Variants in MTA3 observed in about 807,000 individuals in gnomAD.
MTA3 encodes metastasis associated 1 family member 3, also known as metastasis-associated protein MTA3.
MTA3 carries 34 observed loss-of-function variants against 83.5 expected under a neutral mutation model. That is an observed-to-expected ratio of 0.41 (90% CI 0.31 to 0.54). The LOEUF is 0.54. Among genes scored for constraint, MTA3 ranks in the 20% least tolerant of loss-of-function variants. The pLI, the probability that MTA3 is intolerant of heterozygous loss-of-function variation, is 0.33. For missense variants in MTA3, 761 were observed against 726.4 expected, an observed-to-expected ratio of 1.05 and a Z score of -0.55; for synonymous variants, 303 against 252.7, an observed-to-expected ratio of 1.20 and a Z score of -1.89.
chr2:42,737,923 C>A (rs1327590968), intron 16 of MTA3, among the ~76,000 whole-genome samples: 1 of 152,150 alleles, frequency 6.6e-6, no homozygotes, highest in East Asian at 1.9e-4. Context: ...AAGCTAATAT[C>A]ACAATAAAGC....
At chr2:42,695,207 A>C (rs1207736004) in intron 9 of MTA3, among the ~76,000 whole-genome samples, 1 of 152,076 alleles carries the variant, frequency 6.6e-6, no homozygotes, top group Non-Finnish European at 1.5e-5. Flanking sequence ...GAGAAATGGA[A>C]TGTGTTGTAT....
intron 4 of MTA3, among the ~76,000 whole-genome samples, chr2:42,626,655 TAA>T (rs1026993904): frequency 1.8e-4 from 27 of 152,218 alleles, no homozygotes; most frequent in Non-Finnish European, 3.2e-4. Context: ...TTGACTTTTC[TAA>T]GTCTTACCCT....
At chr2:42,753,300 G>C in intron 16 of MTA3, 74 bp from the exon 17 acceptor site, 1 of 1,547,560 alleles carries the variant, frequency 6.5e-7, no homozygotes, top group Non-Finnish European at 8.7e-7. Flanking sequence ...GGAGGGGTGA[G>C]TCCATCCTCC....
At chr2:42,726,314 C>G (rs1667812002) in intron 16 of MTA3, among the ~76,000 whole-genome samples, 1 of 151,908 alleles carries the variant, frequency 6.6e-6, no homozygotes, top group African/African-American at 2.4e-5. Flanking sequence ...GCCTCCTCCA[C>G]TCACCCTCTA....
chr2:42,627,839 A>G (rs539735313), intron 4 of MTA3, among the ~76,000 whole-genome samples: 1 of 151,526 alleles, frequency 6.6e-6, no homozygotes, highest in South Asian at 2.1e-4. Flanking sequence ...GGGCCTTCCA[A>G]AGTGCTGGGA....
intron 8 of MTA3, among the ~76,000 whole-genome samples, chr2:42,671,520 T>C (rs1430246072): frequency 6.6e-6 from 1 of 152,216 alleles, no homozygotes; most frequent in Non-Finnish European, 1.5e-5. Context: ...ATTCTTTTGC[T>C]AGCCTTTTTA....
At chr2:42,729,251 C>T (rs1316404429) in intron 16 of MTA3, among the ~76,000 whole-genome samples, 1 of 151,440 alleles carries the variant, frequency 6.6e-6, no homozygotes, top group Non-Finnish European at 1.5e-5. Flanking sequence ...CGCCCACCAC[C>T]ACGCCCGGCT....
chr2:42,710,695 C>A (rs942176144), intron 14 of MTA3, among the ~76,000 whole-genome samples: 12 of 152,192 alleles, frequency 7.9e-5, no homozygotes, highest in South Asian at 6.2e-4. Context: ...CATGGACTTA[C>A]GTTACCACTT....
At chr2:42,618,444 T>C (rs867353958) in intron 4 of MTA3, among the ~76,000 whole-genome samples, 19 of 152,212 alleles carry the variant, frequency 1.2e-4, no homozygotes, top group African/African-American at 4.1e-4. Context: ...CAGCATTAGC[T>C]GTATGTTAAA....
At chr2:42,602,195 T>G (rs1422638035) in intron 3 of MTA3, among the ~76,000 whole-genome samples, 1 of 152,194 alleles carries the variant, frequency 6.6e-6, no homozygotes, top group Admixed American at 6.5e-5. Context: ...TAGGCTGGTC[T>G]GGATCTCCTG....
At chr2:42,610,153 T>C (rs1454755514) in intron 4 of MTA3, among the ~76,000 whole-genome samples, 1 of 152,180 alleles carries the variant, frequency 6.6e-6, no homozygotes. Flanking sequence ...CTTTCCCGAT[T>C]GATTTGAATA....
intron 12 of MTA3, among the ~76,000 whole-genome samples, chr2:42,707,319 C>A (rs763115486): frequency 6.6e-6 from 1 of 151,970 alleles, no homozygotes. Context: ...TCTCAGCTCA[C>A]TGTAACCTCT....
intron 2 of MTA3, among the ~76,000 whole-genome samples, chr2:42,556,962 G>A (rs1338149167): frequency 1.3e-5 from 2 of 152,166 alleles, no homozygotes; most frequent in Admixed American, 6.5e-5. Flanking sequence ...AGAGGAAGGA[G>A]GCCCTACGAA....
intron 4 of MTA3, among the ~76,000 whole-genome samples, chr2:42,615,581 C>G (rs1030142676): frequency 1.3e-5 from 2 of 151,942 alleles, no homozygotes; most frequent in African/African-American, 4.8e-5. Flanking sequence ...GTCTTGATCT[C>G]ATGACCTTGT....
At chr2:42,575,975 C>T (rs911832084) in intron 2 of MTA3, among the ~76,000 whole-genome samples, 1 of 152,164 alleles carries the variant, frequency 6.6e-6, no homozygotes, top group Middle Eastern at 3.2e-3. Flanking sequence ...TTTGTAATTT[C>T]ACAAAATGGT....
chr2:42,736,259 C>T (rs1029214932), intron 16 of MTA3, among the ~76,000 whole-genome samples: 2 of 152,154 alleles, frequency 1.3e-5, no homozygotes, highest in African/African-American at 2.4e-5. Context: ...CTCTTGTTCT[C>T]TTCTTTTACT....
chr2:42,505,244 T>A (rs2103652932), intron 2 of MTA3, among the ~76,000 whole-genome samples: 1 of 152,056 alleles, frequency 6.6e-6, no homozygotes, highest in East Asian at 1.9e-4. Context: ...TACAAAAAAT[T>A]AGCCCGGCGT....
intron 3 of MTA3, among the ~76,000 whole-genome samples, chr2:42,587,599 T>C (rs1680498493): frequency 6.6e-6 from 1 of 152,150 alleles, no homozygotes; most frequent in South Asian, 2.1e-4. Context: ...TTTATTCATT[T>C]ATTTGTTTGT....
chr2:42,637,837 T>C (rs892300270), intron 4 of MTA3, among the ~76,000 whole-genome samples: 22 of 152,168 alleles, frequency 1.4e-4, no homozygotes, highest in Non-Finnish European at 2.9e-4. Flanking sequence ...AAAGGTTTTA[T>C]AATTTAAAAT....
Sources: gnomAD v4.1 joint callset for allele counts (sites outside exome capture counted in the v4.1 genomes callset) on GRCh38, gnomAD v4.1.1 for gene constraint, MANE v1.5 for transcripts, NCBI Gene and HGNC (gene_info 2026-07-23, HGNC 2026-07-21) for gene names.